The following FBXL7 variants were observed in gnomAD, a reference collection of about 807,000 sequenced individuals.
The protein encoded by FBXL7 is F-box and leucine rich repeat protein 7, also known as F-box/LRR-repeat protein 7.
In FBXL7, 12 loss-of-function variants were observed where a neutral mutation model predicts 38.3. That is an observed-to-expected ratio of 0.31 (90% CI 0.20 to 0.51). The LOEUF (loss-of-function observed/expected upper bound fraction) is 0.51, where lower values mean the gene tolerates loss of function less well. Ranked by LOEUF, FBXL7 falls within the 20% of genes least tolerant of loss-of-function variation. The pLI, the probability that FBXL7 is intolerant of heterozygous loss-of-function variation, is 0.98. For missense variants in FBXL7, 567 were observed against 676.4 expected (o/e 0.84, Z 1.79); for synonymous variants, 297 against 300.9 (o/e 0.99, Z 0.13).
At chr5:15,531,082 T>G (rs529012608) in intron 1 of FBXL7, among the ~76,000 whole-genome samples, 1 of 152,334 alleles carries the variant, frequency 6.6e-6, no homozygotes, top group South Asian at 2.1e-4. Context: ...CATGAAAATA[T>G]TATCAAGAGC....
At chr5:15,719,983 C>T (rs1470054035) in intron 2 of FBXL7, among the ~76,000 whole-genome samples, 2 of 148,938 alleles carry the variant, frequency 1.3e-5, no homozygotes, top group Non-Finnish European at 3.0e-5. Flanking sequence ...CTATCAGTAG[C>T]TACTGCATCC....
intron 2 of FBXL7, among the ~76,000 whole-genome samples, chr5:15,665,747 G>A (rs908298330): frequency 6.6e-6 from 1 of 152,090 alleles, no homozygotes; most frequent in Admixed American, 6.6e-5. Flanking sequence ...TGGGTCTCAG[G>A]AATTATTAGA....
chr5:15,642,218 T>A (rs1357047800), intron 2 of FBXL7, among the ~76,000 whole-genome samples: 1 of 152,162 alleles, frequency 6.6e-6, no homozygotes, highest in African/African-American at 2.4e-5. Flanking sequence ...TGCTATTATG[T>A]GCTTAAGTGT....
rs187404565 is a variant in FBXL7 at position 15,825,332 on chromosome 5, A to G, written c.128-102558A>G. Reference sequence around the variant, plus strand: ...TTGGAATTTGTCCAGGAATGTTAATATTATCTGAACTTGGTCCAGTAAAAC... The same window carrying G: ...TTGGAATTTGTCCAGGAATGTTAATGTTATCTGAACTTGGTCCAGTAAAAC... On this transcript the variant is annotated intron_variant, in intron 2 of 3. Coordinates refer to ENST00000504595, the MANE Select transcript of FBXL7 (RefSeq NM_012304.5). Among the ~76,000 whole-genome samples, 4 of 152,314 alleles carry G rather than the reference A, an allele frequency of 2.6e-5. No homozygotes were observed. In the East Asian group the frequency reaches 7.7e-4, roughly 29 times the overall value.
intron 2 of FBXL7, among the ~76,000 whole-genome samples, chr5:15,805,053 C>T (rs1371502464): frequency 6.6e-6 from 1 of 152,202 alleles, no homozygotes; most frequent in Non-Finnish European, 1.5e-5. Flanking sequence ...GTGTCTTCAC[C>T]TCACCTGCTC....
At chr5:15,851,432 G>A (rs570820360) in intron 2 of FBXL7, among the ~76,000 whole-genome samples, 3 of 152,168 alleles carry the variant, frequency 2.0e-5, no homozygotes, top group African/African-American at 2.4e-5. Context: ...CTTCTTGTCC[G>A]CCAACAGGCT....
chr5:15,868,611 G>A (rs1234006272), intron 2 of FBXL7, among the ~76,000 whole-genome samples: 1 of 152,134 alleles, frequency 6.6e-6, no homozygotes. Flanking sequence ...GACAGCATGT[G>A]AAGGTATAGG....
intron 2 of FBXL7, among the ~76,000 whole-genome samples, chr5:15,844,771 A>T (rs1357059873): frequency 3.3e-5 from 5 of 152,144 alleles, no homozygotes; most frequent in Non-Finnish European, 7.4e-5. Flanking sequence ...AAGCCAAGGC[A>T]GGTGTGCTTG....
At chr5:15,731,020 G>A (rs763941369) in intron 2 of FBXL7, among the ~76,000 whole-genome samples, 7 of 152,170 alleles carry the variant, frequency 4.6e-5, no homozygotes, top group Non-Finnish European at 7.4e-5. Flanking sequence ...ATGTCTGGGA[G>A]CATCCTATTT....
At chr5:15,756,179 T>A (rs1032992085) in intron 2 of FBXL7, among the ~76,000 whole-genome samples, 37 of 152,166 alleles carry the variant, frequency 2.4e-4, no homozygotes, top group East Asian at 3.9e-4. Context: ...CTGCTCAGAC[T>A]TTTTTTTCAC....
chr5:15,792,288 C>T (rs185223009), intron 2 of FBXL7, among the ~76,000 whole-genome samples: 24 of 152,258 alleles, frequency 1.6e-4, no homozygotes, highest in Middle Eastern at 3.4e-3. Flanking sequence ...GGTATTTTCA[C>T]ATTACTTGTC....
At chr5:15,872,011 G>C (rs1157358024) in intron 2 of FBXL7, among the ~76,000 whole-genome samples, 1 of 152,060 alleles carries the variant, frequency 6.6e-6, no homozygotes, top group East Asian at 1.9e-4. Context: ...TGAAATGAAG[G>C]AAAAAATGTT....
chr5:15,825,909 C>G (rs371420015), intron 2 of FBXL7, among the ~76,000 whole-genome samples: 7 of 152,162 alleles, frequency 4.6e-5, no homozygotes, highest in East Asian at 3.9e-4. Context: ...AAGTAAGAAA[C>G]AAAACCAGGA....
At chr5:15,658,680 G>A (rs909630800) in intron 2 of FBXL7, among the ~76,000 whole-genome samples, 5 of 152,104 alleles carry the variant, frequency 3.3e-5, no homozygotes, top group Admixed American at 2.0e-4. Flanking sequence ...AGAGGGTTGT[G>A]ATCGATTGAG....
intron 2 of FBXL7, among the ~76,000 whole-genome samples, chr5:15,674,703 G>A (rs1015642926): frequency 2.2e-4 from 34 of 152,144 alleles, no homozygotes; most frequent in Middle Eastern, 3.4e-3. Flanking sequence ...CCTAAAATTG[G>A]GTTAGAATTT....
intron 2 of FBXL7, among the ~76,000 whole-genome samples, chr5:15,621,236 C>T (rs1186588644): frequency 4.6e-5 from 7 of 152,144 alleles, no homozygotes; most frequent in African/African-American, 1.4e-4. Context: ...TTCTTTACAG[C>T]CCATTGTATT....
At position 15,616,034 on chromosome 5, in the gene FBXL7, C is replaced by T. The variant is rs376437263; in HGVS notation, c.89C>T (p.Thr30Met). Residue 30 changes from threonine to methionine, a missense_variant, in exon 2 of 4, where the codon ACG becomes ATG. Thr to Met is a moderately conservative substitution (Grantham distance 81). Transcript: ENST00000504595. ...GACGTGAGTTCAAGTACAGATCACACGCCCACTAAAGCCCAGAAGAATGTG... is the reference window on the plus strand; with the variant it reads ...GACGTGAGTTCAAGTACAGATCACATGCCCACTAAAGCCCAGAAGAATGTG... ...SSDVSSSTDH[T>M]PTKAQKNVAT... 74 of 1,613,462 alleles carry T rather than the reference C, an allele frequency of 4.6e-5. No individual in the cohort carries two copies. The highest frequency in any genetic ancestry group is 1.3e-4 in the East Asian group (6 of 44,812).
intron 2 of FBXL7, among the ~76,000 whole-genome samples, chr5:15,776,011 T>C (rs1365345770): frequency 6.6e-6 from 1 of 152,076 alleles, no homozygotes; most frequent in Non-Finnish European, 1.5e-5. Context: ...TAAGAACAGA[T>C]AGCGGCAACA....
intron 2 of FBXL7, among the ~76,000 whole-genome samples, chr5:15,813,616 A>G (rs1246064720): frequency 6.6e-6 from 1 of 152,202 alleles, no homozygotes; most frequent in Non-Finnish European, 1.5e-5. Context: ...CAGCAAAAGA[A>G]ACTATCATCA....
Sources: gnomAD v4.1 joint callset for allele counts (sites outside exome capture counted in the v4.1 genomes callset) on GRCh38, gnomAD v4.1.1 for gene constraint, MANE v1.5 for transcripts, NCBI Gene and HGNC (gene_info 2026-07-23, HGNC 2026-07-21) for gene names.